The following GALNT7 variants were observed in gnomAD, a reference collection of about 807,000 sequenced individuals.
GALNT7 encodes N-acetylgalactosaminyltransferase 7.
In GALNT7, 60 loss-of-function variants were observed where a neutral mutation model predicts 82.1. The observed-to-expected ratio is 0.73, with a 90% confidence interval of 0.59 to 0.91. The LOEUF (loss-of-function observed/expected upper bound fraction) is 0.91. Ranked by LOEUF, GALNT7 falls within the 40% of genes least tolerant of loss-of-function variation. The pLI is 0.00. For missense variants in GALNT7, 660 were observed against 804.2 expected, an observed-to-expected ratio of 0.82 and a Z score of 2.17; for synonymous variants, 243 against 275.1, an observed-to-expected ratio of 0.88 and a Z score of 1.15.
At chr4:173,278,768 G>A (rs866180366) in intron 2 of GALNT7, among the ~76,000 whole-genome samples, 5 of 152,184 alleles carry the variant, frequency 3.3e-5, no homozygotes, top group Admixed American at 1.3e-4. Context: ...GAGTTGTAGC[G>A]TTGATCTCAT....
intron 2 of GALNT7, among the ~76,000 whole-genome samples, chr4:173,249,476 G>T (rs756294534): frequency 2.0e-5 from 3 of 152,172 alleles, no homozygotes; most frequent in African/African-American, 4.8e-5. Flanking sequence ...AAGAAGGTAG[G>T]AGTGGAAGTG....
rs1736974177 is a variant in GALNT7, at chr4:173,302,361, A to G, written c.1266+197A>G. Among the ~76,000 whole-genome samples the G allele has an allele frequency of 6.6e-6, 1 of 152,208 alleles. No individual in the cohort carries two copies. Among genetic ancestry groups the G allele is most frequent in the Non-Finnish European group, 1.5e-5 (1 of 68,030 alleles). ...AAAATGCAAGCTCCAAACTTACCAT[A>G]TATTTACAGGGCTCAGCTCAAAATT... On this transcript the variant is annotated intron_variant, in intron 7 of 11. Transcript: ENST00000265000. The surrounding 1 kb of genome is among the most constrained non-coding windows in gnomAD (Gnocchi z 4.2).
intron 2 of GALNT7, among the ~76,000 whole-genome samples, chr4:173,266,138 T>C (rs1299298663): frequency 6.6e-6 from 1 of 152,166 alleles, no homozygotes; most frequent in East Asian, 1.9e-4. Flanking sequence ...CGTGCGGCCA[T>C]GATCCCAGCT....
chr4:173,240,493 CG>C (rs1487890437), intron 1 of GALNT7, among the ~76,000 whole-genome samples: 1 of 151,454 alleles, frequency 6.6e-6, no homozygotes, highest in African/African-American at 2.4e-5. Context: ...CTAGGCCTCC[CG>C]AGTAGCTGGG....
intron 8 of GALNT7, among the ~76,000 whole-genome samples, chr4:173,305,616 T>A (rs1049917911): frequency 6.6e-6 from 1 of 152,208 alleles, no homozygotes; most frequent in Non-Finnish European, 1.5e-5. Flanking sequence ...TTCATTCTTT[T>A]GCATATGGAT....
chr4:173,184,404 C>CT (rs1561145170), intron 1 of GALNT7, among the ~76,000 whole-genome samples: 1 of 151,996 alleles, frequency 6.6e-6, no homozygotes, highest in East Asian at 1.9e-4. Context: ...GGAGACCAGC[C>CT]CGACCAACAC....
intron 4 of GALNT7, 79 bp downstream of exon 4, chr4:173,295,605 GT>G: frequency 2.1e-6 from 3 of 1,413,470 alleles, no homozygotes; most frequent in Non-Finnish European, 2.0e-6. Context: ...TCATTCTTCA[GT>G]TTTTTTAATT....
chr4:173,225,368 A>C (rs149622871), intron 1 of GALNT7, among the ~76,000 whole-genome samples: 24 of 152,326 alleles, frequency 1.6e-4, no homozygotes, highest in African/African-American at 4.6e-4. Flanking sequence ...AAAATCAAGA[A>C]TTTGCAGGAA....
At chr4:173,309,812 A>T (rs578056046) in intron 8 of GALNT7, among the ~76,000 whole-genome samples, 1 of 152,370 alleles carries the variant, frequency 6.6e-6, no homozygotes, top group East Asian at 1.9e-4. Flanking sequence ...TGTCTGTGAT[A>T]AAACAAAAAT....
intron 1 of GALNT7, among the ~76,000 whole-genome samples, chr4:173,187,434 A>G (rs2126636852): frequency 6.6e-6 from 1 of 151,916 alleles, no homozygotes; most frequent in South Asian, 2.1e-4. Context: ...AAATTGTCAT[A>G]TACACCACAT....
intron 11 of GALNT7, among the ~76,000 whole-genome samples, chr4:173,321,045 G>A (rs545330928): frequency 3.5e-4 from 53 of 152,174 alleles, no homozygotes; most frequent in Non-Finnish European, 7.6e-4. Context: ...AAATAGTTTC[G>A]GCCTTACAGA....
At chr4:173,180,839 AT>A (rs1732226019) in intron 1 of GALNT7, among the ~76,000 whole-genome samples, 1 of 152,162 alleles carries the variant, frequency 6.6e-6, no homozygotes, top group Non-Finnish European at 1.5e-5. Flanking sequence ...TTATTAGACA[AT>A]TTGATCATTG....
chr4:173,173,249 T>A (rs1731933644), intron 1 of GALNT7, among the ~76,000 whole-genome samples: 1 of 152,136 alleles, frequency 6.6e-6, no homozygotes, highest in Non-Finnish European at 1.5e-5. Context: ...GAAGCTTTTT[T>A]TTTTTTAGTC....
chr4:173,274,321 C>T (rs1735826396), intron 2 of GALNT7, among the ~76,000 whole-genome samples: 2 of 152,144 alleles, frequency 1.3e-5, no homozygotes, highest in African/African-American at 2.4e-5. Flanking sequence ...GTATCCTCAA[C>T]CTTTAAAATT....
intron 1 of GALNT7, among the ~76,000 whole-genome samples, chr4:173,235,879 A>G (rs1734208995): frequency 6.6e-6 from 1 of 152,128 alleles, no homozygotes; most frequent in Non-Finnish European, 1.5e-5. Context: ...CTAACTTCCT[A>G]AATTGGATCA....
At chr4:173,248,502 TTTAG>T (rs1275181870) in intron 2 of GALNT7, 62 bp downstream of exon 2, 2 of 974,606 alleles carry the variant, frequency 2.1e-6, no homozygotes, top group African/African-American at 3.3e-5. Context: ...GGTTTTTAGG[TTTAG>T]TTAGATTGTT....
rs28699371 is a variant in GALNT7 at position 173,273,788 on chromosome 4, C to G, written c.588-18320C>G. Among the ~76,000 whole-genome samples the G allele has an allele frequency of 2.0e-5, 3 of 152,132 alleles. No homozygotes were observed. The East Asian group carries it at 5.8e-4, about 29-fold the overall frequency. On this transcript the variant is annotated intron_variant, in intron 2 of 11. Coordinates refer to ENST00000265000, the MANE Select transcript of GALNT7 (RefSeq NM_017423.3). ...TCTTTTTCCCTCCTTCTATTTTTAACTTTTGTAATACTGTTTTATTCTGTG... is the reference window on the plus strand; with the variant it reads ...TCTTTTTCCCTCCTTCTATTTTTAAGTTTTGTAATACTGTTTTATTCTGTG...
At chr4:173,303,969 C>T (rs1372983838) in intron 7 of GALNT7, 27 bp from the exon 8 acceptor site, 2 of 1,582,620 alleles carry the variant, frequency 1.3e-6, no homozygotes, top group East Asian at 2.3e-5. Context: ...TTTGAAACAA[C>T]TTTCACAACG....
chr4:173,260,276 A>T (rs1003230152), intron 2 of GALNT7, among the ~76,000 whole-genome samples: 1 of 152,206 alleles, frequency 6.6e-6, no homozygotes, highest in African/African-American at 2.4e-5. Flanking sequence ...CTTTTAAATA[A>T]TTAAAGTTAG....
Sources: gnomAD v4.1 joint callset for allele counts (sites outside exome capture counted in the v4.1 genomes callset) on GRCh38, gnomAD v4.1.1 for gene constraint, Gnocchi (gnomAD v3.1) non-coding constraint, MANE v1.5 for transcripts, NCBI Gene and HGNC (gene_info 2026-07-23, HGNC 2026-07-21) for gene names.